Variants in ACSS3 observed in about 807,000 individuals in gnomAD.
The protein encoded by ACSS3 is acyl-CoA synthetase short chain family member 3, also known as acyl-CoA synthetase short-chain family member 3, mitochondrial.
A neutral mutation model predicts 84.2 loss-of-function variants in ACSS3; 64 were observed. The ratio of observed to expected loss-of-function variants is 0.76; its 90% CI spans 0.62 to 0.94. The LOEUF is 0.94. Among genes scored for constraint, ACSS3 ranks in the 40% least tolerant of loss-of-function variants. The pLI, the probability that ACSS3 is intolerant of heterozygous loss-of-function variation, is 0.00. For synonymous variants in ACSS3, 317 were observed against 310.1 expected (o/e 1.02, Z -0.23); for missense variants, 815 against 867.6 (o/e 0.94, Z 0.76).
chr12:81,178,475 TA>T lies in ACSS3; in HGVS notation c.1250+3545del, dbSNP rs71098126. Among the ~76,000 whole-genome samples the T allele has an allele frequency of 6.6e-5, 10 of 150,492 alleles. No individual in the cohort carries two copies. In the East Asian group the frequency reaches 7.8e-4, roughly 12 times the overall value. The stretch of plus-strand genomic sequence containing the variant: ...AACTTAAAGTATAATAATAATAAAA[TA>T]AAAAAAAACATTTCTATACACCAAT... On this transcript the variant is annotated intron_variant, in intron 8 of 15. Coordinates refer to ENST00000548058, the MANE Select transcript of ACSS3 (RefSeq NM_024560.4).
At chr12:81,137,281 TAA>T (rs1357632619) in intron 3 of ACSS3, among the ~76,000 whole-genome samples, 2 of 151,104 alleles carry the variant, frequency 1.3e-5, no homozygotes, top group Non-Finnish European at 2.9e-5. Context: ...AATAAGGATT[TAA>T]AAAACTTATG....
intron 12 of ACSS3, among the ~76,000 whole-genome samples, 153 bp from the exon 13 acceptor site, chr12:81,233,196 T>A (rs570792723): frequency 9.2e-5 from 14 of 151,938 alleles, no homozygotes; most frequent in Admixed American, 7.9e-4. Flanking sequence ...AGTTTCCAGA[T>A]AAAAAGTAGT....
intron 2 of ACSS3, among the ~76,000 whole-genome samples, chr12:81,130,431 G>T (rs1885413102): frequency 6.6e-6 from 1 of 152,204 alleles, no homozygotes; most frequent in African/African-American, 2.4e-5. Flanking sequence ...CTTCTTTTGA[G>T]AAGTGTCTGT....
Position 81,226,081 on chromosome 12 carries a change from A to C in ACSS3, c.1515-4976A>C, listed in dbSNP as rs137886502. Among the ~76,000 whole-genome samples, 774 of 151,952 alleles carry C rather than the reference A, an allele frequency of 5.1e-3. 5 individuals carry two copies. Among genetic ancestry groups the C allele is most frequent in the Middle Eastern group, 0.014 (4 of 294 alleles). On this transcript the variant is annotated intron_variant, in intron 11 of 15. Coordinates refer to ENST00000548058, the MANE Select transcript of ACSS3 (RefSeq NM_024560.4). The stretch of plus-strand genomic sequence containing the variant: ...TACTGTCTCTACTTACTTCCTGTTT[A>C]TTTCTTAATCAGTCTAGCTGTTGCT...
intron 1 of ACSS3, among the ~76,000 whole-genome samples, chr12:81,088,258 C>A (rs1881445433): frequency 2.0e-5 from 3 of 152,020 alleles, no homozygotes; most frequent in Non-Finnish European, 4.4e-5. Context: ...TACCTGAACC[C>A]ACAATGGAGT....
At chr12:81,125,162 C>G (rs940267169) in intron 2 of ACSS3, among the ~76,000 whole-genome samples, 6 of 151,922 alleles carry the variant, frequency 3.9e-5, no homozygotes, top group African/African-American at 1.2e-4. Flanking sequence ...TGCAGTGAGC[C>G]GAGATTGCGC....
intron 3 of ACSS3, among the ~76,000 whole-genome samples, chr12:81,135,558 T>C (rs981336747): frequency 6.6e-6 from 1 of 151,282 alleles, no homozygotes; most frequent in Non-Finnish European, 1.5e-5. Context: ...CTGGAGATCA[T>C]TAGCTTAAGT....
intron 7 of ACSS3, among the ~76,000 whole-genome samples, chr12:81,161,173 T>A (rs555639426): frequency 6.6e-6 from 1 of 152,372 alleles, no homozygotes; most frequent in African/African-American, 2.4e-5. Context: ...CCTCATAACA[T>A]TGAAGAATTC....
chr12:81,159,372 T>C (rs989670322), intron 7 of ACSS3, among the ~76,000 whole-genome samples: 4 of 151,930 alleles, frequency 2.6e-5, no homozygotes, highest in Non-Finnish European at 5.9e-5. Flanking sequence ...AGTTACCAAA[T>C]AATAAAGGAA....
rs367706772 is a variant in ACSS3 at position 81,194,672 on chromosome 12, C to G, written c.1251-4669C>G. 9.9e-5 allele frequency among the ~76,000 whole-genome samples: 15 copies of G among 151,952 alleles called. No homozygotes were observed. In the East Asian group the frequency reaches 2.9e-3, roughly 29 times the overall value. On this transcript the variant is annotated intron_variant, in intron 8 of 15. Coordinates refer to ENST00000548058, the MANE Select transcript of ACSS3 (RefSeq NM_024560.4). The stretch of plus-strand genomic sequence containing the variant: ...GCTATAATAATGATATTAAAAAGAA[C>G]AGTAAACAAGTTTAGGAACAAAAGC...
chr12:81,164,419 A>G (rs1459266941), intron 7 of ACSS3, among the ~76,000 whole-genome samples: 2 of 152,190 alleles, frequency 1.3e-5, no homozygotes, highest in Non-Finnish European at 2.9e-5. Flanking sequence ...TCTCATCATC[A>G]AGCAACATGT....
intron 12 of ACSS3, 86 bp from the exon 13 acceptor site, chr12:81,233,263 A>C: frequency 6.9e-7 from 1 of 1,451,628 alleles, no homozygotes; most frequent in Non-Finnish European, 9.4e-7. Context: ...ATCCATTTCT[A>C]TTACATTGTG....
At chr12:81,134,351 A>C (rs190751529) in intron 2 of ACSS3, among the ~76,000 whole-genome samples, 77 of 152,236 alleles carry the variant, frequency 5.1e-4, no homozygotes, top group Admixed American at 1.6e-3. Context: ...TGTTTTCTTT[A>C]TGAATATATA....
rs1882365226 is a variant in ACSS3 at position 81,099,878 on chromosome 12, GC to G, written c.312-9680del. ...AGAATCATGTAAACATTTACTACTA[GC>G]CACTTCTGGCACCCAGAGATCAAGA... On this transcript the variant is annotated intron_variant, in intron 1 of 15. Coordinates refer to ENST00000548058, the MANE Select transcript of ACSS3 (RefSeq NM_024560.4). Among the ~76,000 whole-genome samples the G allele has an allele frequency of 2.6e-5, 4 of 152,196 alleles. 1 individual carries two copies. The highest frequency in any genetic ancestry group is 2.6e-4 in the Admixed American group (4 of 15,284).
At chr12:81,109,445 A>G in intron 1 of ACSS3, 115 bp from the exon 2 acceptor site, 1 of 1,147,312 alleles carries the variant, frequency 8.7e-7, no homozygotes, top group East Asian at 2.6e-5. Context: ...CATAGAATGC[A>G]CTAGGAAACA....
chr12:81,234,564 G>A (rs537815675), intron 13 of ACSS3, among the ~76,000 whole-genome samples: 25 of 151,240 alleles, frequency 1.7e-4, no homozygotes, highest in South Asian at 1.2e-3. Flanking sequence ...GAACTTGGTC[G>A]TGTCATTACT....
rs2034416240 is a variant in ACSS3 at position 81,258,399 on chromosome 12, AAAG to A, written c.*3480_*3482del. The A allele has an allele frequency of 1.3e-5, 2 of 152,170 alleles. No individual in the cohort carries two copies. Among genetic ancestry groups the A allele is most frequent in the Admixed American group, 1.3e-4 (2 of 15,256 alleles). The allele number at this position is 152,170 out of a possible 1,614,324, so 9.4% of individuals were successfully genotyped here. On this transcript the variant is annotated 3_prime_UTR_variant, in exon 16 of 16. Transcript: ENST00000548058. ...CAAACATAGCAAATTAAAATACAGA[AAAG>A]AAATTACTAATGACAGGTCTTGCGC...
chr12:81,118,994 A>T (rs1884311107), intron 2 of ACSS3, among the ~76,000 whole-genome samples: 1 of 152,104 alleles, frequency 6.6e-6, no homozygotes, highest in South Asian at 2.1e-4. Context: ...GGGGGAACCC[A>T]CCCCCGATAT....
chr12:81,253,371 G>T lies in ACSS3; in HGVS notation c.1784G>T (p.Gly595Val). The change falls in exon 14 of 16, where the codon GGT (glycine) becomes GTT (valine). Residue 595 changes from glycine to valine, a missense_variant. By Grantham distance (109) the Gly-to-Val change is moderately radical. Coordinates refer to ENST00000548058, the MANE Select transcript of ACSS3 (RefSeq NM_024560.4). ...GTTGGCAAGGAAGATCCCTTAAAAG[G>T]TCATGTCCCCTTAGCACTCTGTGTA... is the stretch of plus-strand genomic sequence containing the variant. ...AVVGKEDPLK[G>V]HVPLALCVLR... is the part of the protein sequence containing the mutation. 6.2e-7 allele frequency: 1 copy of T among 1,613,880 alleles called. No individual in the cohort carries two copies. Among genetic ancestry groups the T allele is most frequent in the South Asian group, 1.1e-5 (1 of 91,076 alleles).
Sources: allele counts gnomAD v4.1 joint callset (sites outside exome capture counted in the v4.1 genomes callset), GRCh38; gene constraint gnomAD v4.1.1; transcripts MANE v1.5; gene names NCBI Gene and HGNC (gene_info 2026-07-23, HGNC 2026-07-21).